The following PCDHGA2 variants were observed in gnomAD, a reference collection of about 807,000 sequenced individuals.
The protein encoded by PCDHGA2 is protocadherin gamma-A2.
A neutral mutation model predicts 59.2 loss-of-function variants in PCDHGA2; 40 were observed. The ratio of observed to expected loss-of-function variants is 0.68; its 90% CI spans 0.52 to 0.88. The LOEUF is 0.88. PCDHGA2 is among the 40% of genes least tolerant of loss of function. The probability of loss-of-function intolerance (pLI) is 0.00; values close to 1 mark genes in which losing one functional copy is unlikely to be tolerated. For missense variants in PCDHGA2, 1,226 were observed against 1,204.0 expected (o/e 1.02, Z -0.27); for synonymous variants, 560 against 526.0 (o/e 1.06, Z -0.89).
chr5:141,478,711 T>A, intron 1 of PCDHGA2: 1 of 1,547,346 alleles, frequency 6.5e-7, no homozygotes, highest in Non-Finnish European at 8.7e-7. Flanking sequence ...CTTTGTGAGA[T>A]GGTGGCCTGC....
chr5:141,379,878 T>C (rs1775912256), intron 1 of PCDHGA2, among the ~76,000 whole-genome samples: 1 of 147,082 alleles, frequency 6.8e-6, no homozygotes, highest in African/African-American at 2.5e-5. Flanking sequence ...TTTTATGGTC[T>C]GTGAAAGCCT....
chr5:141,344,966 T>C, intron 1 of PCDHGA2: 1 of 1,613,672 alleles, frequency 6.2e-7, no homozygotes, highest in Non-Finnish European at 8.5e-7. Flanking sequence ...ATTATGAGGA[T>C]GCCATGTTCT....
chr5:141,352,692 A>T, intron 1 of PCDHGA2: 1 of 1,558,284 alleles, frequency 6.4e-7, no homozygotes, highest in Non-Finnish European at 8.7e-7. Flanking sequence ...AAATCTAGTT[A>T]AATTTTATAT....
At position 141,491,023 on chromosome 5, in the gene PCDHGA2, G is replaced by A. The variant is rs773185039; in HGVS notation, c.2425-3784G>A. 17 of 1,613,990 alleles carry A rather than the reference G, an allele frequency of 1.1e-5. No individual in the cohort carries two copies. Among genetic ancestry groups the A allele is most frequent in the Admixed American group, 5.0e-5 (3 of 60,008 alleles). ...CTCCTTGGTCACCAAGGTGACAGCC[G>A]TGGATGCTGATGCAGGCCACAATGC... On this transcript the variant is annotated intron_variant, in intron 1 of 3. Coordinates refer to ENST00000394576, the MANE Select transcript of PCDHGA2 (RefSeq NM_018915.4). The surrounding 1 kb of genome is among the most constrained non-coding windows in gnomAD (Gnocchi z 6.9).
intron 3 of PCDHGA2, among the ~76,000 whole-genome samples, chr5:141,505,999 G>A (rs891447053): frequency 1.3e-5 from 2 of 152,172 alleles, no homozygotes; most frequent in African/African-American, 4.8e-5. Flanking sequence ...TTTATGCGAG[G>A]CTCCTCTTTT....
chr5:141,390,539 A>T (rs774441899), intron 1 of PCDHGA2: 22 of 514,666 alleles, frequency 4.3e-5, no homozygotes, highest in Non-Finnish European at 6.5e-5. Flanking sequence ...TTTTAACCAC[A>T]AAGTGAAAGT....
intron 1 of PCDHGA2, chr5:141,372,532 T>A: frequency 6.2e-7 from 1 of 1,614,022 alleles, no homozygotes; most frequent in East Asian, 2.2e-5. Context: ...GCAATCTCCC[T>A]GCGCCTGCGA....
At chr5:141,397,195 G>T (rs2093485269) in intron 1 of PCDHGA2, among the ~76,000 whole-genome samples, 1 of 152,150 alleles carries the variant, frequency 6.6e-6, no homozygotes, top group Non-Finnish European at 1.5e-5. Context: ...TACTGTAAAA[G>T]ATATGACATA....
At chr5:141,497,733 T>G (rs2099779006) in intron 2 of PCDHGA2, among the ~76,000 whole-genome samples, 2 of 152,078 alleles carry the variant, frequency 1.3e-5, no homozygotes, top group Non-Finnish European at 2.9e-5. Context: ...AGAGATGGGT[T>G]TCGCCACGTT....
chr5:141,408,849 A>G (rs764977493), intron 1 of PCDHGA2: 1 of 1,613,610 alleles, frequency 6.2e-7, no homozygotes, highest in South Asian at 1.1e-5. Context: ...ACTGCCTTGG[A>G]CGGAGGGGAC....
In PCDHGA2 at chr5:141,461,525, A is replaced by T. The variant is rs966592635; in HGVS notation, c.2425-33282A>T. ...TTGGTGATTTGTTAGTTCCTTGTAGATTCTGGATACTAGTCCTTTGTCAGA... is the reference window on the plus strand; with the variant it reads ...TTGGTGATTTGTTAGTTCCTTGTAGTTTCTGGATACTAGTCCTTTGTCAGA... On this transcript the variant is annotated intron_variant, in intron 1 of 3. Coordinates refer to ENST00000394576, the MANE Select transcript of PCDHGA2 (RefSeq NM_018915.4). 5.3e-5 allele frequency among the ~76,000 whole-genome samples: 8 copies of T among 152,106 alleles called. No individual in the cohort carries two copies. The South Asian group carries it at 1.7e-3, about 31-fold the overall frequency.
In PCDHGA2 at chr5:141,340,990, C is replaced by T. The variant is rs770733671; in HGVS notation, c.2019C>T (p.Ala673=). The change falls in exon 1 of 4, where the codon GCC becomes GCT. Residue 673 remains alanine (A), a synonymous_variant. Coordinates refer to ENST00000394576, the MANE Select transcript of PCDHGA2 (RefSeq NM_018915.4). ...CCGACAGGATCCCCGACATCCTGGC[C>T]GACCTGGGCAGCCTCGAGCCCTCCG... ...AVADRIPDIL[A]DLGSLEPSAI... is the part of the protein sequence containing the mutation. The T allele has an allele frequency of 5.7e-5, 92 of 1,613,860 alleles. No homozygotes were observed. The highest frequency in any genetic ancestry group is 7.5e-5 in the Non-Finnish European group (88 of 1,179,976).
rs900884760 is a variant in PCDHGA2, at chr5:141,414,031, C to T, written c.2424+72636C>T. ...CAATGGAGAAGTGACATATTCATTC[C>T]GAAAATTACCTGACACGCAATTGTT... On this transcript the variant is annotated intron_variant, in intron 1 of 3. Coordinates refer to ENST00000394576, the MANE Select transcript of PCDHGA2 (RefSeq NM_018915.4). 4 of 1,611,858 alleles carry T rather than the reference C, an allele frequency of 2.5e-6. No homozygotes were observed. The Admixed American group carries it at 6.7e-5, about 27-fold the overall frequency.
chr5:141,399,643 C>G lies in PCDHGA2; in HGVS notation c.2424+58248C>G, dbSNP rs776980167. On this transcript the variant is annotated intron_variant, in intron 1 of 3. Transcript: ENST00000394576. The stretch of plus-strand genomic sequence containing the variant: ...GGCCTCTTACGTGTCCATGAGCGCG[C>G]AAAGTGGGGTGGTGTTCGCGCAGCG... 133 of 1,613,714 alleles carry G rather than the reference C, an allele frequency of 8.2e-5. No individual in the cohort carries two copies. Among genetic ancestry groups the G allele is most frequent in the Non-Finnish European group, 1.1e-4 (126 of 1,179,890 alleles).
At chr5:141,392,744 CG>C (rs2092583694) in intron 1 of PCDHGA2, 1 of 1,439,038 alleles carries the variant, frequency 6.9e-7, no homozygotes, top group East Asian at 2.5e-5. Context: ...TCCATAGCTG[CG>C]GCAAGAAACT....
At chr5:141,488,273 C>A (rs1411817846) in intron 1 of PCDHGA2, among the ~76,000 whole-genome samples, 6 of 152,256 alleles carry the variant, frequency 3.9e-5, no homozygotes, top group East Asian at 1.9e-4. Flanking sequence ...TTGGTCATCA[C>A]CTTTGGAAAA....
chr5:141,402,955 G>A (rs753305536), intron 1 of PCDHGA2: 3 of 1,601,910 alleles, frequency 1.9e-6, no homozygotes, highest in Non-Finnish European at 2.6e-6. Context: ...AGGCAGCAAT[G>A]GCAGCTCCAA....
rs376101780 is a variant in PCDHGA2, at chr5:141,485,901, A to G, written c.2425-8906A>G. 3 of 1,614,026 alleles carry G rather than the reference A, an allele frequency of 1.9e-6. No homozygotes were observed. In the African/African-American group the frequency reaches 4.0e-5, roughly 22 times the overall value. Reference sequence around the variant, plus strand: ...GTAAACGACAACGCCCCAGCCTTCCAGCAATCCAGCTACAGGATTAGTGTG... The same window carrying G: ...GTAAACGACAACGCCCCAGCCTTCCGGCAATCCAGCTACAGGATTAGTGTG... On this transcript the variant is annotated intron_variant, in intron 1 of 3. Coordinates refer to ENST00000394576, the MANE Select transcript of PCDHGA2 (RefSeq NM_018915.4). This position sits in a 1 kb window ranked among gnomAD's most constrained non-coding sequence, Gnocchi z 5.7.
chr5:141,428,188 G>A (rs1023078587), intron 1 of PCDHGA2: 3 of 1,433,350 alleles, frequency 2.1e-6, no homozygotes, highest in Admixed American at 1.8e-5. Flanking sequence ...GACAGCCGCC[G>A]CTCTCTGCGC....
Sources: allele counts gnomAD v4.1 joint callset (sites outside exome capture counted in the v4.1 genomes callset), GRCh38; gene constraint gnomAD v4.1.1; non-coding constraint Gnocchi (gnomAD v3.1); transcripts MANE v1.5; gene names NCBI Gene and HGNC (gene_info 2026-07-23, HGNC 2026-07-21).